The following KDM4A variants were observed in gnomAD, a reference collection of about 807,000 sequenced individuals.
The protein encoded by KDM4A is lysine-specific demethylase 4A.
KDM4A carries 23 observed loss-of-function variants against 127.1 expected under a neutral mutation model. That is an observed-to-expected ratio of 0.18 (90% CI 0.13 to 0.26). The LOEUF is 0.26. Among genes scored for constraint, KDM4A ranks in the 10% least tolerant of loss-of-function variants. The pLI, the probability that KDM4A is intolerant of heterozygous loss-of-function variation, is 1.00. For synonymous variants in KDM4A, 443 were observed against 466.5 expected (o/e 0.95, Z 0.65); for missense variants, 890 against 1,329.1 (o/e 0.67, Z 5.14).
At chr1:43,691,307 G>A (rs1661104153) in intron 14 of KDM4A, among the ~76,000 whole-genome samples, 189 bp from the exon 15 acceptor site, 1 of 152,200 alleles carries the variant, frequency 6.6e-6, no homozygotes, top group South Asian at 2.1e-4. Context: ...TGAATCTACA[G>A]TTTTTGACTT....
intron 11 of KDM4A, among the ~76,000 whole-genome samples, chr1:43,674,245 GC>G (rs1660689965): frequency 6.6e-6 from 1 of 151,994 alleles, no homozygotes; most frequent in East Asian, 1.9e-4. Flanking sequence ...GTGCCCCACC[GC>G]CCCCCAGCTG....
intron 19 of KDM4A, among the ~76,000 whole-genome samples, chr1:43,700,705 G>A (rs922767550): frequency 6.6e-6 from 1 of 152,044 alleles, no homozygotes; most frequent in Non-Finnish European, 1.5e-5. Flanking sequence ...TTACAGGTGT[G>A]AGCCACTGCT....
chr1:43,656,329 GTT>G (rs11438925), intron 3 of KDM4A, among the ~76,000 whole-genome samples: 74 of 54,162 alleles, frequency 1.4e-3, no homozygotes, highest in African/African-American at 5.8e-3. Flanking sequence ...TCTGCTGTTG[GTT>G]TTTTTTTTTT....
At chr1:43,682,433 A>G (rs1660879659) in intron 11 of KDM4A, among the ~76,000 whole-genome samples, 1 of 152,190 alleles carries the variant, frequency 6.6e-6, no homozygotes, top group Non-Finnish European at 1.5e-5. Flanking sequence ...GATTAAGTCT[A>G]TGGTCATGTA....
intron 15 of KDM4A, 91 bp from the exon 16 acceptor site, chr1:43,692,165 A>G: frequency 9.2e-7 from 1 of 1,088,748 alleles, no homozygotes; most frequent in Admixed American, 1.7e-5. Context: ...TCTTATGTGG[A>G]GGAGTTGCCC....
intron 4 of KDM4A, among the ~76,000 whole-genome samples, chr1:43,662,580 C>G (rs1459726800): frequency 6.6e-6 from 1 of 152,208 alleles, no homozygotes; most frequent in African/African-American, 2.4e-5. Context: ...GCACTCCAGC[C>G]TGAGCAACAG....
chr1:43,695,002 T>A, intron 18 of KDM4A, 108 bp downstream of exon 18: 4 of 1,078,152 alleles, frequency 3.7e-6, no homozygotes, highest in Non-Finnish European at 5.3e-6. Flanking sequence ...CATTCTGCAT[T>A]ATGAAGAGTG....
In KDM4A at chr1:43,665,726, G is replaced by T. The variant is rs1388780586; in HGVS notation, c.654G>T (p.Arg218=). 6.2e-7 allele frequency: 1 copy of T among 1,614,016 alleles called. No individual in the cohort carries two copies. Among genetic ancestry groups the T allele is most frequent in the Non-Finnish European group, 8.5e-7 (1 of 1,180,026 alleles). The change falls in exon 6 of 22, where the codon CGG becomes CGT. Residue 218 remains arginine, a synonymous_variant. Transcript: ENST00000372396. ...WYSVPPEHGK[R]LERLAKGFFP... ...CTGTTCCACCTGAGCATGGAAAGCG[G>T]TTGGAACGCCTCGCCAAAGGTACTG...
At chr1:43,676,856 ATTAT>A (rs1159795368) in intron 11 of KDM4A, among the ~76,000 whole-genome samples, 2 of 152,174 alleles carry the variant, frequency 1.3e-5, no homozygotes, top group Non-Finnish European at 2.9e-5. Flanking sequence ...AAACATTCAA[ATTAT>A]TCTATTTTGA....
chr1:43,663,603 A>G (rs1215395287), intron 5 of KDM4A, among the ~76,000 whole-genome samples: 1 of 150,178 alleles, frequency 6.7e-6, no homozygotes, highest in Non-Finnish European at 1.5e-5. Flanking sequence ...CTCTGTGCTG[A>G]CCCATCTTTG....
At chr1:43,703,931 C>A in intron 20 of KDM4A, 89 bp from the exon 21 acceptor site, 1 of 1,351,076 alleles carries the variant, frequency 7.4e-7, no homozygotes, top group Non-Finnish European at 1.1e-6. Context: ...TAACTCCTTC[C>A]TTTGACTGTA....
At chr1:43,668,728 A>G (rs1241323211) in intron 9 of KDM4A, among the ~76,000 whole-genome samples, 4 of 152,194 alleles carry the variant, frequency 2.6e-5, no homozygotes, top group East Asian at 1.9e-4. Flanking sequence ...CTGCAGTGCT[A>G]TTGGTGGCTG....
chr1:43,660,208 C>T lies in KDM4A; in HGVS notation c.315-90C>T, dbSNP rs964866874. 3 of 1,368,316 alleles carry T rather than the reference C, an allele frequency of 2.2e-6. No homozygotes were observed. In the African/African-American group the frequency reaches 4.3e-5, roughly 20 times the overall value. The allele number at this position is 1,368,316 out of a possible 1,614,324, so 84.8% of individuals were successfully genotyped here. Reference sequence around the variant, plus strand: ...CTTGTTCATTTGAAATTCTTGCTGTCACTGGAATAGGGGATTATGTCTTGT... The same window carrying T: ...CTTGTTCATTTGAAATTCTTGCTGTTACTGGAATAGGGGATTATGTCTTGT... On this transcript the variant is annotated intron_variant, in intron 3 of 21. Coordinates refer to ENST00000372396, the MANE Select transcript of KDM4A (RefSeq NM_014663.3).
rs768710439 is a variant in KDM4A, at chr1:43,694,687, G to A, written c.2485-22G>A. 1 of 1,589,120 alleles carries A rather than the reference G, an allele frequency of 6.3e-7. No individual in the cohort carries two copies. The highest frequency in any genetic ancestry group is 1.7e-4 in the Middle Eastern group (1 of 5,960). On this transcript the variant is annotated intron_variant, in intron 17 of 21. Transcript: ENST00000372396. This position sits in a 1 kb window ranked among gnomAD's most constrained non-coding sequence, Gnocchi z 5.2. ...GCAGTGCCAGTTCCTGCAATCACTG[G>A]TTTTCTTCCCCTGTGCTACAGAAAT...
chr1:43,675,268 A>G (rs1313887098), intron 11 of KDM4A, among the ~76,000 whole-genome samples: 2 of 152,146 alleles, frequency 1.3e-5, no homozygotes, highest in African/African-American at 4.8e-5. Flanking sequence ...CTAATCATTT[A>G]TGGCATGCCT....
Position 43,698,131 on chromosome 1 carries a change from A to G in KDM4A, c.2841+118A>G, listed in dbSNP as rs182570445. The G allele has an allele frequency of 1.0e-3, 931 of 908,268 alleles. 12 individuals are homozygous for G. The East Asian group carries it at 0.019, about 18-fold the overall frequency. 56.3% of individuals were successfully genotyped at this position (908,268 alleles called of 1,614,324 possible). On this transcript the variant is annotated intron_variant, in intron 19 of 21. Coordinates refer to ENST00000372396, the MANE Select transcript of KDM4A (RefSeq NM_014663.3). ...TAGCCAGGTCCCTGGTCCCATCACC[A>G]TGTCCTCAAACAGAAAGAATCATCT...
intron 3 of KDM4A, among the ~76,000 whole-genome samples, chr1:43,658,960 T>TG (rs1201718942): frequency 1.3e-5 from 2 of 148,978 alleles, no homozygotes; most frequent in African/African-American, 5.0e-5. Flanking sequence ...TAAAAGAAGT[T>TG]TTTTTTTTTT....
Position 43,671,567 on chromosome 1 carries a change from G to C in KDM4A, c.1426G>C (p.Asp476His). 6.2e-7 allele frequency: 1 copy of C among 1,606,572 alleles called. No individual in the cohort carries two copies. Among genetic ancestry groups the C allele is most frequent in the South Asian group, 1.1e-5 (1 of 89,850 alleles). Residue 476 changes from aspartate to histidine, a missense_variant, in exon 11 of 22, where the codon GAT becomes CAT. By Grantham distance (81) the Asp-to-His change is moderately conservative (BLOSUM62 -1). Transcript: ENST00000372396. ...TAAAAATGTCAAACTAGAAGAGGAGGATGAGGAGGAAGAACAAGCAGCAGC... is the reference window on the plus strand; with the variant it reads ...TAAAAATGTCAAACTAGAAGAGGAGCATGAGGAGGAAGAACAAGCAGCAGC... ...ELKNVKLEEE[D>H]EEEEQAAAAL... is the part of the protein sequence containing the mutation.
chr1:43,698,086 G>A, intron 19 of KDM4A, 73 bp downstream of exon 19: 3 of 1,448,544 alleles, frequency 2.1e-6, no homozygotes, highest in South Asian at 1.2e-5. Context: ...GGCAGACTGT[G>A]TGTGTATGCC....
Sources: gnomAD v4.1 joint callset for allele counts (sites outside exome capture counted in the v4.1 genomes callset) on GRCh38, gnomAD v4.1.1 for gene constraint, Gnocchi (gnomAD v3.1) non-coding constraint, MANE v1.5 for transcripts, NCBI Gene and HGNC (gene_info 2026-07-23, HGNC 2026-07-21) for gene names.